VIRMA: variants seen among roughly 807,000 people sequenced by gnomAD.
The protein encoded by VIRMA is vir like m6A methyltransferase associated, also known as protein virilizer homolog.
VIRMA carries 65 observed loss-of-function variants against 182.4 expected under a neutral mutation model. That is an observed-to-expected ratio of 0.36 (90% CI 0.29 to 0.44). VIRMA has a LOEUF of 0.44. Among genes scored for constraint, VIRMA ranks in the 20% least tolerant of loss-of-function variants. The pLI, the probability that VIRMA is intolerant of heterozygous loss-of-function variation, is 1.00. For missense variants in VIRMA, 1,752 were observed against 2,158.1 expected, an observed-to-expected ratio of 0.81 and a Z score of 3.73; for synonymous variants, 709 against 743.1, an observed-to-expected ratio of 0.95 and a Z score of 0.75.
intron 7 of VIRMA, 78 bp from the exon 8 acceptor site, chr8:94,527,441 G>A (rs1815014684): frequency 1.1e-6 from 1 of 897,316 alleles, no homozygotes. Context: ...ACAAGAAATA[G>A]TTTTAATAAA....
intron 15 of VIRMA, among the ~76,000 whole-genome samples, chr8:94,508,277 G>A (rs1285464801): frequency 6.6e-6 from 1 of 151,830 alleles, no homozygotes; most frequent in African/African-American, 2.4e-5. Flanking sequence ...GTAGAGATGG[G>A]GTTTCACCAT....
At chr8:94,503,829 T>C (rs570342321) in intron 16 of VIRMA, among the ~76,000 whole-genome samples, 1 of 151,712 alleles carries the variant, frequency 6.6e-6, no homozygotes, top group African/African-American at 2.4e-5. Flanking sequence ...CACAGGACTA[T>C]ATAAGAAAAA....
At chr8:94,492,940 C>T in intron 20 of VIRMA, 122 bp from the exon 21 acceptor site, 3 of 795,722 alleles carry the variant, frequency 3.8e-6, no homozygotes, top group South Asian at 2.1e-5. Context: ...AATTATAGAT[C>T]TACCTCTTTC....
In VIRMA at chr8:94,509,940, G is replaced by A. The variant is rs1320098764; in HGVS notation, c.3627C>T (p.Ser1209=). 1 of 1,598,324 alleles carries A rather than the reference G, an allele frequency of 6.3e-7. No individual in the cohort carries two copies. Among genetic ancestry groups the A allele is most frequent in the African/African-American group, 1.4e-5 (1 of 73,962 alleles). The change falls in exon 15 of 24, where the codon AGC becomes AGT. Residue 1209 remains serine, a splice_region_variant and synonymous_variant. Coordinates refer to ENST00000297591, the MANE Select transcript of VIRMA (RefSeq NM_015496.5). ...ACTGTTTTTCTTTATCTTCTGAAGT[G>A]CTGAAATAAAATCGATACATTTAGT... ...VLDLIVEDLQ[S]TSEDKEKQYT... is the part of the protein sequence containing the mutation.
At chr8:94,538,924 CAG>C (rs1367726845) in intron 2 of VIRMA, among the ~76,000 whole-genome samples, 6 of 151,850 alleles carry the variant, frequency 4.0e-5, no homozygotes, top group African/African-American at 1.4e-4. Context: ...TTTTTAGAGA[CAG>C]AGTCTTGCTT....
intron 8 of VIRMA, among the ~76,000 whole-genome samples, chr8:94,525,151 AG>A (rs1814912581): frequency 6.6e-6 from 1 of 152,228 alleles, no homozygotes; most frequent in Non-Finnish European, 1.5e-5. Context: ...GACCACAAGC[AG>A]GAACAGCTCA....
At chr8:94,513,856 G>GT (rs968758887) in intron 11 of VIRMA, among the ~76,000 whole-genome samples, 26 of 152,286 alleles carry the variant, frequency 1.7e-4, no homozygotes, top group African/African-American at 6.3e-4. Context: ...GAGGCTCAGA[G>GT]TAAGAACACG....
chr8:94,528,755 T>C (rs28498495), intron 7 of VIRMA, among the ~76,000 whole-genome samples: 6,073 of 152,310 alleles, frequency 0.04, 133 homozygotes, highest in Non-Finnish European at 0.05. Context: ...CATGTATTTG[T>C]TACATGACCC....
intron 23 of VIRMA, among the ~76,000 whole-genome samples, chr8:94,489,498 T>C (rs1205541297): frequency 6.6e-6 from 1 of 152,212 alleles, no homozygotes; most frequent in Non-Finnish European, 1.5e-5. Flanking sequence ...CTAGGTCCAC[T>C]TATATGAGGA....
At chr8:94,505,763 A>C (rs1586073232) in intron 16 of VIRMA, among the ~76,000 whole-genome samples, 1 of 152,146 alleles carries the variant, frequency 6.6e-6, no homozygotes, top group East Asian at 1.9e-4. Context: ...AAGTGCTGAA[A>C]TTATAGGTAT....
intron 1 of VIRMA, among the ~76,000 whole-genome samples, chr8:94,547,251 G>C (rs1292719697): frequency 6.6e-6 from 1 of 150,980 alleles, no homozygotes; most frequent in Non-Finnish European, 1.5e-5. Context: ...AATGGTTATT[G>C]AATTGTGTTT....
At position 94,537,327 on chromosome 8, in the gene VIRMA, T is replaced by C. The variant is rs138976092; in HGVS notation, c.267-176A>G. 4.3e-3 allele frequency among the ~76,000 whole-genome samples: 655 copies of C among 152,248 alleles called. 2 individuals are homozygous for C. Among genetic ancestry groups the C allele is most frequent in the African/African-American group, 0.014 (589 of 41,558 alleles). ...GTCCCCAAAATGTGATTAAAAAAAA[T>C]CAATCCCAGATTCTGGATTAATTGC... On this transcript the variant is annotated intron_variant, in intron 3 of 23. Transcript: ENST00000297591.
chr8:94,518,142 A>T (rs1814626393), intron 9 of VIRMA, among the ~76,000 whole-genome samples, 200 bp from the exon 10 acceptor site: 2 of 152,246 alleles, frequency 1.3e-5, no homozygotes, highest in Non-Finnish European at 2.9e-5. Flanking sequence ...AAAAGTATAT[A>T]AAAAAGCATA....
At position 94,492,727 on chromosome 8, in the gene VIRMA, G is replaced by A; in HGVS notation, c.4733C>T (p.Ser1578Leu). Residue 1578 changes from serine to leucine, a missense_variant, in exon 21 of 24, where the codon TCA becomes TTA. Physicochemically the swap from Ser to Leu is moderately radical, Grantham distance 145 (BLOSUM62 -2). Transcript: ENST00000297591. ...ELERSFLSEP[S>L]SPGRTKTTKG... The stretch of plus-strand genomic sequence containing the variant: ...AGTAGTCTTGGTTCTTCCTGGAGAT[G>A]ATGGTTCTGACAAAAATGAGCGCTC... 6.2e-7 allele frequency: 1 copy of A among 1,613,878 alleles called. No individual in the cohort carries two copies.
chr8:94,520,721 T>A (rs746698702), intron 8 of VIRMA, among the ~76,000 whole-genome samples: 3 of 152,128 alleles, frequency 2.0e-5, no homozygotes, highest in Non-Finnish European at 2.9e-5. Context: ...GACTGGAGCA[T>A]CCTTGGATTT....
intron 6 of VIRMA, among the ~76,000 whole-genome samples, chr8:94,530,370 A>C (rs28409018): frequency 0.04 from 6,048 of 151,768 alleles, 131 homozygotes; most frequent in Non-Finnish European, 0.05. Context: ...GGTGGTATAC[A>C]CCTGTGGTCC....
intron 8 of VIRMA, among the ~76,000 whole-genome samples, chr8:94,522,383 C>A (rs1033794494): frequency 1.3e-5 from 2 of 152,130 alleles, no homozygotes; most frequent in Non-Finnish European, 2.9e-5. Context: ...CTCCCAGGTA[C>A]CTTTTTCCTT....
intron 8 of VIRMA, among the ~76,000 whole-genome samples, chr8:94,524,766 T>C (rs7817530): frequency 0.016 from 2,422 of 152,344 alleles, 62 homozygotes; most frequent in African/African-American, 0.055. Flanking sequence ...CCTCTCCCAC[T>C]GCTACATTAA....
chr8:94,537,016 G>T, intron 4 of VIRMA, 87 bp downstream of exon 4: 2 of 889,528 alleles, frequency 2.2e-6, no homozygotes, highest in African/African-American at 1.7e-5. Flanking sequence ...ATGACACTCT[G>T]CAACACTGAT....
Sources: allele counts gnomAD v4.1 joint callset (sites outside exome capture counted in the v4.1 genomes callset), GRCh38; gene constraint gnomAD v4.1.1; transcripts MANE v1.5; gene names NCBI Gene and HGNC (gene_info 2026-07-23, HGNC 2026-07-21).